The following TMSB15B variants were observed in gnomAD, a reference collection of about 807,000 sequenced individuals.
The protein encoded by TMSB15B is thymosin beta 15B.
intron 1 of TMSB15B, among the ~76,000 whole-genome samples, chrX:103,935,925 C>T (rs1159527663): frequency 2.9e-5 from 3 of 103,428 alleles, no homozygotes; most frequent in Non-Finnish European, 5.9e-5. Flanking sequence ...CAGCTCACCA[C>T]GACCTCTGCC....
chrX:103,928,955 C>T (rs1556319449), intron 1 of TMSB15B: 53 of 1,197,526 alleles, frequency 4.4e-5, no homozygotes, highest in Non-Finnish European at 5.7e-5. Flanking sequence ...TGGGGCCTCA[C>T]TACGGCAATC....
At chrX:103,924,630 A>G (rs1196026065) in intron 1 of TMSB15B, among the ~76,000 whole-genome samples, 1 of 111,654 alleles carries the variant, frequency 9.0e-6, no homozygotes, top group Non-Finnish European at 1.9e-5. Context: ...ACCCCCAATG[A>G]TTTAGTGGAT....
chrX:103,926,794 A>G (rs2074969472), intron 1 of TMSB15B, among the ~76,000 whole-genome samples: 1 of 109,296 alleles, frequency 9.1e-6, no homozygotes, highest in African/African-American at 3.4e-5. Context: ...GTTCGGTGGG[A>G]AACCTGTGGG....
intron 1 of TMSB15B, chrX:103,928,275 T>C (rs1229244096): frequency 2.5e-6 from 3 of 1,206,255 alleles, no homozygotes; most frequent in Non-Finnish European, 3.4e-6. Flanking sequence ...ATCCATGCCA[T>C]GGCAGTGTCA....
At position 103,928,535 on chromosome X, in the gene TMSB15B, A is replaced by G. The variant is rs1248312560; in HGVS notation, c.-721+9243A>G. The G allele has an allele frequency of 2.5e-6, 3 of 1,191,962 alleles. No homozygotes were observed. In the African/African-American group the frequency reaches 5.3e-5, roughly 21 times the overall value. On this transcript the variant is annotated intron_variant, in intron 1 of 3. Transcript: ENST00000419165. Reference sequence around the variant, plus strand: ...CAAAATGTGCTCCAGGATGGTTGCAAGCAAGCTCGCTTACCCAGCACCTTC... The same window carrying G: ...CAAAATGTGCTCCAGGATGGTTGCAGGCAAGCTCGCTTACCCAGCACCTTC...
chrX:103,919,909 A>G (rs1337898239), intron 1 of TMSB15B, among the ~76,000 whole-genome samples: 2 of 111,196 alleles, frequency 1.8e-5, no homozygotes, highest in African/African-American at 6.6e-5. Flanking sequence ...ACTTTTGCAC[A>G]GGTAGTCTCA....
Position 103,933,176 on chromosome X carries a change from TG to T in TMSB15B, c.-721+13885del, listed in dbSNP as rs1421543842. On this transcript the variant is annotated intron_variant, in intron 1 of 3. Coordinates refer to the TMSB15B transcript ENST00000419165. ...ATTAAAGTTATATATAAAATAATGT[TG>T]CATATGAGAGAAAAAGCATAATAAA... Among the ~76,000 whole-genome samples, 3 of 111,811 alleles carry T rather than the reference TG, an allele frequency of 2.7e-5. No homozygotes were observed. The East Asian group carries it at 8.3e-4, about 31-fold the overall frequency.
chrX:103,922,757 T>G (rs1303640052), intron 1 of TMSB15B, among the ~76,000 whole-genome samples: 12 of 111,849 alleles, frequency 1.1e-4, no homozygotes, highest in African/African-American at 3.9e-4. Context: ...GTATTTCTAG[T>G]TCTAGATCCC....
intron 1 of TMSB15B, among the ~76,000 whole-genome samples, chrX:103,938,975 A>G (rs782659560): frequency 8.9e-6 from 1 of 112,193 alleles, no homozygotes; most frequent in East Asian, 2.8e-4. Flanking sequence ...AATGTTGAAT[A>G]TTGGCCCTCA....
At chrX:103,924,771 G>T (rs1239302569) in intron 1 of TMSB15B, among the ~76,000 whole-genome samples, 2 of 111,353 alleles carry the variant, frequency 1.8e-5, no homozygotes, top group Non-Finnish European at 3.8e-5. Flanking sequence ...AGACTGGCTC[G>T]GACAGTCTGG....
chrX:103,920,876 G>A (rs1364998627), intron 1 of TMSB15B, among the ~76,000 whole-genome samples: 6 of 112,442 alleles, frequency 5.3e-5, no homozygotes, highest in African/African-American at 1.9e-4. Flanking sequence ...ATGCAGGGCT[G>A]TCCAAAGTGA....
intron 1 of TMSB15B, among the ~76,000 whole-genome samples, chrX:103,940,498 C>G (rs1432689084): frequency 9.0e-6 from 1 of 111,112 alleles, no homozygotes; most frequent in Non-Finnish European, 1.9e-5. Context: ...AATGGCAGAT[C>G]CCCTCTCCCC....
intron 1 of TMSB15B, among the ~76,000 whole-genome samples, chrX:103,935,585 T>G (rs1228768769): frequency 9.0e-6 from 1 of 111,471 alleles, no homozygotes; most frequent in African/African-American, 3.3e-5. Context: ...CCAACACCAT[T>G]TATTAAATAG....
At chrX:103,944,666 C>T (rs5987605) in intron 1 of TMSB15B, among the ~76,000 whole-genome samples, 35,165 of 111,201 alleles carry the variant, frequency 0.32, 4,879 homozygotes, top group Middle Eastern at 0.53. Flanking sequence ...TCTAGATCAC[C>T]GTATGAGGCG....
intron 1 of TMSB15B, chrX:103,928,184 G>A (rs2074974395): frequency 8.5e-7 from 1 of 1,176,947 alleles, no homozygotes; most frequent in African/African-American, 1.8e-5. Flanking sequence ...GCACTCCCAG[G>A]CCTATGCCCT....
intron 1 of TMSB15B, among the ~76,000 whole-genome samples, chrX:103,926,057 G>T (rs1464076436): frequency 5.4e-5 from 6 of 111,026 alleles, no homozygotes; most frequent in African/African-American, 2.0e-4. Flanking sequence ...GTGCCCCAGA[G>T]GGATGCAAAT....
In TMSB15B at chrX:103,937,219, G is replaced by C. The variant is rs1352470377; in HGVS notation, c.-721+17927G>C. Among the ~76,000 whole-genome samples, 7 of 111,933 alleles carry C rather than the reference G, an allele frequency of 6.3e-5. No individual in the cohort carries two copies. In the Admixed American group the frequency reaches 6.6e-4, roughly 11 times the overall value. On this transcript the variant is annotated intron_variant, in intron 1 of 3. Transcript: ENST00000419165. ...AGGGAGGAGTCCATCTGTTTCTATT[G>C]TTTGGAATAGTTTCAGAAGGAATGG...
intron 1 of TMSB15B, among the ~76,000 whole-genome samples, chrX:103,923,844 G>A (rs2074960929): frequency 9.0e-6 from 1 of 111,535 alleles, no homozygotes; most frequent in African/African-American, 3.3e-5. Context: ...AGCATGGAAG[G>A]TTCTTCCATT....
intron 1 of TMSB15B, chrX:103,932,770 T>A (rs2074987967): frequency 8.9e-6 from 1 of 111,785 alleles, no homozygotes; most frequent in African/African-American, 3.2e-5. Flanking sequence ...TAATATTTAG[T>A]TTTGTGATGT....
Sources: allele counts gnomAD v4.1 joint callset (sites outside exome capture counted in the v4.1 genomes callset), GRCh38; gene constraint gnomAD v4.1.1; transcripts MANE v1.5; gene names NCBI Gene and HGNC (gene_info 2026-07-23, HGNC 2026-07-21).